PTPRM: variants seen among roughly 807,000 people sequenced by gnomAD.
The protein encoded by PTPRM is protein tyrosine phosphatase receptor type M, also known as receptor-type tyrosine-protein phosphatase mu.
A neutral mutation model predicts 186.7 loss-of-function variants in PTPRM; 47 were observed. That is an observed-to-expected ratio of 0.25 (90% confidence interval 0.20 to 0.32). PTPRM has a LOEUF of 0.32. PTPRM is among the 10% of genes least tolerant of loss of function. The probability of loss-of-function intolerance (pLI) is 1.00; values close to 1 mark genes in which losing one functional copy is unlikely to be tolerated. For missense variants in PTPRM, 1,494 were observed against 1,865.0 expected (o/e 0.80, Z 3.66); for synonymous variants, 668 against 674.9 (o/e 0.99, Z 0.16).
intron 7 of PTPRM, among the ~76,000 whole-genome samples, chr18:8,010,396 T>C (rs1384682956): frequency 6.6e-6 from 1 of 152,208 alleles, no homozygotes; most frequent in East Asian, 1.9e-4. Flanking sequence ...ATGAAATTTC[T>C]GTACCCATCA....
chr18:7,616,144 C>T (rs932482935), intron 1 of PTPRM, among the ~76,000 whole-genome samples: 2 of 152,122 alleles, frequency 1.3e-5, no homozygotes, highest in Non-Finnish European at 2.9e-5. Context: ...CAGGAAAGTC[C>T]AGCTGGGTTC....
chr18:8,013,611 C>T (rs1012821932), intron 7 of PTPRM, among the ~76,000 whole-genome samples: 1 of 152,086 alleles, frequency 6.6e-6, no homozygotes, highest in African/African-American at 2.4e-5. Context: ...GAGGAAAATC[C>T]ACATAGAAGT....
At chr18:7,838,965 G>A (rs781509296) in intron 2 of PTPRM, among the ~76,000 whole-genome samples, 1 of 152,196 alleles carries the variant, frequency 6.6e-6, no homozygotes, top group Non-Finnish European at 1.5e-5. Flanking sequence ...GGGCCCACAG[G>A]GAGTACTGCC....
At chr18:7,758,493 C>CTGAG (rs2041614121) in intron 1 of PTPRM, among the ~76,000 whole-genome samples, 1 of 152,180 alleles carries the variant, frequency 6.6e-6, no homozygotes, top group Non-Finnish European at 1.5e-5. Flanking sequence ...GTTAATATCT[C>CTGAG]AGTGTTTAAA....
intron 6 of PTPRM, among the ~76,000 whole-genome samples, chr18:7,951,298 A>G (rs1359563341): frequency 6.6e-6 from 1 of 151,984 alleles, no homozygotes; most frequent in African/African-American, 2.4e-5. Flanking sequence ...CATTATTACT[A>G]CCATTATTTA....
chr18:7,930,172 G>GGCTTAGATT (rs1568029366), intron 5 of PTPRM, among the ~76,000 whole-genome samples: 6 of 151,976 alleles, frequency 3.9e-5, no homozygotes, highest in African/African-American at 1.5e-4. Flanking sequence ...GGGCTTAGAT[G>GGCTTAGATT]ATCCTCCCAC....
chr18:8,251,694 C>T (rs1034251235), intron 17 of PTPRM: 1 of 152,180 alleles, frequency 6.6e-6, no homozygotes, highest in Non-Finnish European at 1.5e-5. Context: ...ACCATGCATC[C>T]CCAGGTGCTT....
intron 1 of PTPRM, among the ~76,000 whole-genome samples, chr18:7,636,462 C>G (rs1359343818): frequency 6.6e-6 from 1 of 152,122 alleles, no homozygotes; most frequent in Non-Finnish European, 1.5e-5. Context: ...TCTTCCTTGT[C>G]ATGATTATAT....
chr18:8,379,555 G>A (rs1183868373), intron 28 of PTPRM, among the ~76,000 whole-genome samples: 5 of 152,176 alleles, frequency 3.3e-5, no homozygotes, highest in South Asian at 4.1e-4. Context: ...AGGAGTATCC[G>A]TAAATGCAGC....
At chr18:7,714,456 A>T (rs540443238) in intron 1 of PTPRM, among the ~76,000 whole-genome samples, 61 of 152,338 alleles carry the variant, frequency 4.0e-4, no homozygotes, top group African/African-American at 1.4e-3. Context: ...CAATTAAAAG[A>T]ACTAGAGAAG....
intron 2 of PTPRM, among the ~76,000 whole-genome samples, chr18:7,825,188 C>A (rs1027051101): frequency 6.6e-6 from 1 of 152,024 alleles, no homozygotes; most frequent in Non-Finnish European, 1.5e-5. Context: ...TTGCAATTGT[C>A]CGAAAGAGGA....
intron 1 of PTPRM, among the ~76,000 whole-genome samples, chr18:7,731,911 G>T (rs2040666793): frequency 6.6e-6 from 1 of 152,306 alleles, no homozygotes; most frequent in East Asian, 1.9e-4. Flanking sequence ...TGATCAAATT[G>T]TTATGTGTTG....
chr18:8,115,306 TA>T (rs2091914250), intron 13 of PTPRM, among the ~76,000 whole-genome samples: 1 of 152,184 alleles, frequency 6.6e-6, no homozygotes, highest in Non-Finnish European at 1.5e-5. Flanking sequence ...CTGAACCTAG[TA>T]ACCAGGTTAT....
At chr18:7,604,868 G>T (rs144800633) in intron 1 of PTPRM, among the ~76,000 whole-genome samples, 1 of 152,266 alleles carries the variant, frequency 6.6e-6, no homozygotes, top group African/African-American at 2.4e-5. Flanking sequence ...TGGATGGAAT[G>T]ATAAAATAGT....
At chr18:7,728,914 T>G (rs980046258) in intron 1 of PTPRM, among the ~76,000 whole-genome samples, 1 of 151,828 alleles carries the variant, frequency 6.6e-6, no homozygotes, top group African/African-American at 2.4e-5. Flanking sequence ...GAAAATTAAT[T>G]TTCCTCCAAC....
chr18:7,860,985 A>G (rs116266235), intron 2 of PTPRM, among the ~76,000 whole-genome samples: 4 of 152,294 alleles, frequency 2.6e-5, no homozygotes, highest in African/African-American at 7.2e-5. Context: ...ATGCATTCTT[A>G]AAAGTTCTTC....
chr18:7,575,423 T>A (rs982990444), intron 1 of PTPRM, among the ~76,000 whole-genome samples: 2 of 152,186 alleles, frequency 1.3e-5, no homozygotes, highest in South Asian at 2.1e-4. Flanking sequence ...TACGTGTGCA[T>A]CTCTAAGTCT....
At chr18:7,776,387 C>T (rs2042581649) in intron 2 of PTPRM, among the ~76,000 whole-genome samples, 1 of 152,148 alleles carries the variant, frequency 6.6e-6, no homozygotes, top group South Asian at 2.1e-4. Context: ...TGGCAGTTCC[C>T]CCACCTCTCT....
intron 2 of PTPRM, among the ~76,000 whole-genome samples, chr18:7,848,663 T>C (rs2046715064): frequency 6.6e-6 from 1 of 151,980 alleles, no homozygotes; most frequent in Non-Finnish European, 1.5e-5. Flanking sequence ...CTCAGGAAGC[T>C]GGGACAGGAG....
Sources: allele counts gnomAD v4.1 joint callset (sites outside exome capture counted in the v4.1 genomes callset), GRCh38; gene constraint gnomAD v4.1.1; transcripts MANE v1.5; gene names NCBI Gene and HGNC (gene_info 2026-07-23, HGNC 2026-07-21).